Variants in F11R observed in about 807,000 individuals in gnomAD.
F11R encodes the protein F11 receptor.
Under a neutral mutation model 39.3 loss-of-function variants are expected in F11R, and 27 were observed. That is an observed-to-expected ratio of 0.69 (90% CI 0.51 to 0.95). The LOEUF (loss-of-function observed/expected upper bound fraction) is 0.95. F11R is among the 40% of genes least tolerant of loss of function. F11R has a pLI of 0.00. For missense variants in F11R, 335 were observed against 372.7 expected, an observed-to-expected ratio of 0.90 and a Z score of 0.83; for synonymous variants, 131 against 144.9, an observed-to-expected ratio of 0.90 and a Z score of 0.69.
Position 160,999,039 on chromosome 1 carries a change from T to G in F11R, c.864+4A>C. 6.2e-7 allele frequency: 1 copy of G among 1,614,202 alleles called. No homozygotes were observed. The highest frequency in any genetic ancestry group is 1.1e-5 in the South Asian group (1 of 91,088). On this transcript the variant is annotated splice_donor_region_variant and intron_variant, in intron 9 of 9. Coordinates refer to ENST00000368026, the MANE Select transcript of F11R (RefSeq NM_016946.6). ...CCACCCCTGCCCAGGGGAGGCATAC[T>G]CACTTCACTTCGGGCACTAGGCTGG...
chr1:161,000,267 T>A lies in F11R; in HGVS notation c.470A>T (p.Asp157Val). The A allele has an allele frequency of 6.2e-7, 1 of 1,614,080 alleles. No individual in the cohort carries two copies. The highest frequency in any genetic ancestry group is 8.5e-7 in the Non-Finnish European group (1 of 1,180,020). Residue 157 changes from aspartate (D) to valine (V), a missense_variant, in exon 5 of 10, where the codon GAT (aspartate) becomes GTT (valine). Coordinates refer to ENST00000368026, the MANE Select transcript of F11R (RefSeq NM_016946.6). Reference sequence around the variant, plus strand: ...GGTGTATTCAGAAGGTGGGGAACCATCTTGTTCTGAGCATGTCAGCACTGC... The same window carrying A: ...GGTGTATTCAGAAGGTGGGGAACCAACTTGTTCTGAGCATGTCAGCACTGC... The part of the protein sequence containing the change: ...NRAVLTCSEQ[D>V]GSPPSEYTWF...
chr1:161,020,491 A>C (rs1649699033), intron 1 of F11R, among the ~76,000 whole-genome samples: 1 of 152,246 alleles, frequency 6.6e-6, no homozygotes, highest in Admixed American at 6.5e-5. Context: ...TCAAAGATTC[A>C]GAAGAGCCAG....
chr1:161,005,610 T>G (rs1344533324), intron 1 of F11R, among the ~76,000 whole-genome samples: 2 of 151,794 alleles, frequency 1.3e-5, no homozygotes, highest in East Asian at 3.9e-4. Flanking sequence ...TGACCTCAAG[T>G]GATCCACCCG....
intron 1 of F11R, among the ~76,000 whole-genome samples, chr1:161,003,186 C>T (rs1036858949): frequency 4.1e-5 from 6 of 148,140 alleles, no homozygotes; most frequent in South Asian, 2.1e-4. Context: ...TGCAATGGCG[C>T]AATCTCGGCT....
At chr1:161,015,602 A>G (rs1447427104) in intron 1 of F11R, among the ~76,000 whole-genome samples, 1 of 149,734 alleles carries the variant, frequency 6.7e-6, no homozygotes, top group Non-Finnish European at 1.5e-5. Flanking sequence ...AAAAAAAAAA[A>G]AAAGGCTGCA....
chr1:161,019,764 G>T (rs143796799), intron 1 of F11R, among the ~76,000 whole-genome samples: 105 of 150,176 alleles, frequency 7.0e-4, no homozygotes, highest in African/African-American at 2.6e-3. Context: ...AAGTCAAGAG[G>T]GTTTGGTTCC....
At position 160,998,802 on chromosome 1, in the gene F11R, A is replaced by T; in HGVS notation, c.*69T>A. ...TAAGGCATCCTGTGAAACTACAGAC[A>T]TCAGGGGCCAGAGTCCGGTAGCACC... On this transcript the variant is annotated 3_prime_UTR_variant, in exon 10 of 10. Transcript: ENST00000368026. 6.7e-7 allele frequency: 1 copy of T among 1,491,446 alleles called. No homozygotes were observed. 92.4% of individuals were successfully genotyped at this position (1,491,446 alleles called of 1,614,324 possible). A position where few individuals can be genotyped will look rare whatever the true frequency, so the allele number is the denominator to read the frequency against.
rs1648451174 is a variant in F11R at position 161,001,040 on chromosome 1, C to A, written c.221G>T (p.Cys74Phe). 1.2e-6 allele frequency: 2 copies of A among 1,614,158 alleles called. No homozygotes were observed. Among genetic ancestry groups the A allele is most frequent in the Middle Eastern group, 3.3e-4 (2 of 6,062 alleles). ...FDQGDTTRLV[C>F]YNNKITASYE... The stretch of plus-strand genomic sequence containing the variant: ...CTCACCTGTGATCTTGTTATTATAG[C>A]AAACGAGTCTGGTGGTGTCTCCTTG... Residue 74 changes from cysteine (C) to phenylalanine (F), a missense_variant, in exon 3 of 10, where the codon TGC (cysteine) becomes TTC (phenylalanine). By Grantham distance (205) the Cys-to-Phe change is radical. Transcript: ENST00000368026.
At chr1:161,011,191 C>T (rs1649138611) in intron 1 of F11R, among the ~76,000 whole-genome samples, 1 of 151,546 alleles carries the variant, frequency 6.6e-6, no homozygotes, top group South Asian at 2.1e-4. Flanking sequence ...CACCACCATA[C>T]CCAGCTAATT....
intron 7 of F11R, 52 bp downstream of exon 7, chr1:160,999,588 G>A (rs1648338028): frequency 6.4e-7 from 1 of 1,554,310 alleles, no homozygotes; most frequent in Non-Finnish European, 8.9e-7. Context: ...ACCCATGCCA[G>A]GCCCTGGGAT....
Position 160,998,751 on chromosome 1 carries a change from G to C in F11R, c.*120C>G. Reference sequence around the variant, plus strand: ...TTAAAAACACATCCGAAGAAGTAGGGGGCCCTGTGGGGTGTAGAAGACAAA... The same window carrying C: ...TTAAAAACACATCCGAAGAAGTAGGCGGCCCTGTGGGGTGTAGAAGACAAA... On this transcript the variant is annotated 3_prime_UTR_variant, in exon 10 of 10. Coordinates refer to ENST00000368026, the MANE Select transcript of F11R (RefSeq NM_016946.6). 1 of 904,598 alleles carries C rather than the reference G, an allele frequency of 1.1e-6. No homozygotes were observed. The allele number at this position is 904,598 out of a possible 1,614,324, so 56.0% of individuals were successfully genotyped here.
rs147459441 is a variant in F11R, at chr1:160,999,716, G to A, written c.726C>T (p.Ala242=). Residue 242 remains alanine (A), a synonymous_variant, in exon 7 of 10, where the codon GCC becomes GCT. Transcript: ENST00000368026. ...VERNVGVIVA[A]VLVTLILLGI... ...CCAGGAGAATCAGGGTTACAAGGAC[G>A]GCTGCCACGATGACCCCCACATTCC... 2.4e-5 allele frequency: 38 copies of A among 1,614,050 alleles called. No individual in the cohort carries two copies. The highest frequency in any genetic ancestry group is 2.8e-5 in the Non-Finnish European group (33 of 1,180,036).
chr1:161,017,129 C>T (rs889698977), intron 1 of F11R, among the ~76,000 whole-genome samples: 5 of 152,010 alleles, frequency 3.3e-5, no homozygotes, highest in Admixed American at 6.6e-5. Flanking sequence ...AAAAACACTG[C>T]GGAAGGCCGC....
chr1:161,015,407 AAT>A (rs1553211261), intron 1 of F11R, among the ~76,000 whole-genome samples: 13 of 136,158 alleles, frequency 9.5e-5, no homozygotes, highest in Admixed American at 3.7e-4. Flanking sequence ...CAAAAAAAAA[AAT>A]ATATATATAT....
In F11R at chr1:161,013,939, C is replaced by T. The variant is rs537629587; in HGVS notation, c.64+7071G>A. 3.9e-5 allele frequency among the ~76,000 whole-genome samples: 6 copies of T among 152,344 alleles called. No individual in the cohort carries two copies. The South Asian group carries it at 6.2e-4, about 16-fold the overall frequency. On this transcript the variant is annotated intron_variant, in intron 1 of 9. Coordinates refer to ENST00000368026, the MANE Select transcript of F11R (RefSeq NM_016946.6). Reference sequence around the variant, plus strand: ...ACTTCCTGCCAGCCAGCTGCTTCCTCCTGTTCCGCCCCTACATTGTGAAAC... The same window carrying T: ...ACTTCCTGCCAGCCAGCTGCTTCCTTCTGTTCCGCCCCTACATTGTGAAAC...
At chr1:161,019,580 C>A (rs1373265490) in intron 1 of F11R, among the ~76,000 whole-genome samples, 1 of 128,280 alleles carries the variant, frequency 7.8e-6, no homozygotes, top group African/African-American at 3.0e-5. Flanking sequence ...GGGCAACAAG[C>A]GAAACTCTAA....
At chr1:161,017,604 C>T (rs1304104287) in intron 1 of F11R, among the ~76,000 whole-genome samples, 1 of 152,238 alleles carries the variant, frequency 6.6e-6, no homozygotes, top group Non-Finnish European at 1.5e-5. Context: ...ACACATCCCC[C>T]TCTCAGAGAA....
Position 161,000,760 on chromosome 1 carries a change from C to A in F11R, c.259G>T (p.Val87Leu), listed in dbSNP as rs750736493. The A allele has an allele frequency of 3.7e-6, 6 of 1,613,998 alleles. No individual in the cohort carries two copies. The highest frequency in any genetic ancestry group is 3.3e-4 in the Middle Eastern group (2 of 6,082). ...NKITASYEDR[V>L]TFLPTGITFK... is the part of the protein sequence containing the mutation. ...GTGATACCAGTTGGCAAGAAGGTCACCCGGTCCTCATAGGAAGCTACCACA... is the reference window on the plus strand; with the variant it reads ...GTGATACCAGTTGGCAAGAAGGTCAACCGGTCCTCATAGGAAGCTACCACA... The change falls in exon 4 of 10, where the codon GTG (valine) becomes TTG (leucine). Residue 87 changes from valine (V) to leucine (L), a missense_variant. Physicochemically the swap from Val to Leu is conservative, Grantham distance 32 (BLOSUM62 1). Transcript: ENST00000368026.
intron 1 of F11R, among the ~76,000 whole-genome samples, chr1:161,020,399 C>T (rs1649694012): frequency 6.6e-6 from 1 of 152,146 alleles, no homozygotes. Context: ...ACCTCTGCTG[C>T]GCTTAGAGAA....
Sources: gnomAD v4.1 joint callset for allele counts (sites outside exome capture counted in the v4.1 genomes callset) on GRCh38, gnomAD v4.1.1 for gene constraint, MANE v1.5 for transcripts, NCBI Gene and HGNC (gene_info 2026-07-23, HGNC 2026-07-21) for gene names.